COL9A1: variants seen among roughly 807,000 people sequenced by gnomAD.
COL9A1 encodes collagen type IX alpha 1 chain.
In COL9A1, 104 loss-of-function variants were observed where a neutral mutation model predicts 142.6. The observed-to-expected ratio is 0.73, with a 90% CI of 0.62 to 0.86. The LOEUF (loss-of-function observed/expected upper bound fraction) is 0.86, where lower values mean the gene tolerates loss of function less well. Among genes scored for constraint, COL9A1 ranks in the 40% least tolerant of loss-of-function variants. COL9A1 has a pLI of 0.00. For missense variants in COL9A1, 1,210 were observed against 1,176.6 expected (o/e 1.03, Z -0.42); for synonymous variants, 466 against 396.0 (o/e 1.18, Z -2.10).
At chr6:70,220,646 T>G (rs1371676840) in intron 37 of COL9A1, among the ~76,000 whole-genome samples, 1 of 152,180 alleles carries the variant, frequency 6.6e-6, no homozygotes, top group Non-Finnish European at 1.5e-5. Context: ...ATGTATGTTC[T>G]AAACTATGTG....
intron 14 of COL9A1, among the ~76,000 whole-genome samples, chr6:70,270,707 A>G (rs1432166281): frequency 6.6e-6 from 1 of 152,240 alleles, no homozygotes; most frequent in African/African-American, 2.4e-5. Context: ...GAGGACCTAG[A>G]GCAACCTATA....
chr6:70,271,962 T>C, intron 13 of COL9A1, 103 bp downstream of exon 13: 1 of 1,219,130 alleles, frequency 8.2e-7, no homozygotes. Context: ...TAGAACACTG[T>C]AAACACCACT....
chr6:70,256,380 A>G (rs1162367933), intron 21 of COL9A1, among the ~76,000 whole-genome samples: 3 of 152,184 alleles, frequency 2.0e-5, no homozygotes, highest in Non-Finnish European at 4.4e-5. Flanking sequence ...TAAAATAATG[A>G]CACATGGACA....
chr6:70,262,457 A>C (rs567633673), intron 19 of COL9A1, among the ~76,000 whole-genome samples: 14 of 152,324 alleles, frequency 9.2e-5, no homozygotes, highest in African/African-American at 2.9e-4. Context: ...AGTCCTGTGG[A>C]GAAGAGCAGA....
intron 30 of COL9A1, 105 bp from the exon 31 acceptor site, chr6:70,241,559 A>C (rs145896122): frequency 1.1e-4 from 103 of 929,360 alleles, no homozygotes; most frequent in Non-Finnish European, 1.3e-4. Flanking sequence ...GGATAATGTG[A>C]TGGGAGAGGA....
At chr6:70,281,503 G>T (rs202193470) in intron 7 of COL9A1, 39 bp from the exon 8 acceptor site, 2 of 1,549,358 alleles carry the variant, frequency 1.3e-6, no homozygotes, top group Non-Finnish European at 1.8e-6. Context: ...GGAGCACATC[G>T]GGCAACAGGG....
At chr6:70,249,280 T>C (rs184291543) in intron 28 of COL9A1, among the ~76,000 whole-genome samples, 13 of 152,184 alleles carry the variant, frequency 8.5e-5, no homozygotes, top group Admixed American at 7.2e-4. Context: ...CCAGGGACTT[T>C]GGAATTGTGT....
intron 30 of COL9A1, 139 bp from the exon 31 acceptor site, chr6:70,241,593 CA>C (rs1770264238): frequency 2.7e-6 from 2 of 747,902 alleles, no homozygotes; most frequent in Admixed American, 4.4e-5. Flanking sequence ...CACCACCCAA[CA>C]AGAATCAGGA....
intron 28 of COL9A1, chr6:70,246,156 T>C (rs779119668): frequency 1.3e-5 from 2 of 152,080 alleles, no homozygotes; most frequent in Non-Finnish European, 2.9e-5. Flanking sequence ...TCACCTGAGG[T>C]CAAGAGTTTG....
chr6:70,281,626 C>A (rs374225937), intron 7 of COL9A1, among the ~76,000 whole-genome samples, 162 bp from the exon 8 acceptor site: 1 of 152,216 alleles, frequency 6.6e-6, no homozygotes, highest in South Asian at 2.1e-4. Context: ...TCCAAGCAAG[C>A]GCAGCTTTGG....
At position 70,294,435 on chromosome 6, in the gene COL9A1, C is replaced by A; in HGVS notation, c.428G>T (p.Gly143Val). 6 of 1,614,094 alleles carry A rather than the reference C, an allele frequency of 3.7e-6. No individual in the cohort carries two copies. Among genetic ancestry groups the A allele is most frequent in the Non-Finnish European group, 5.1e-6 (6 of 1,179,976 alleles). The stretch of plus-strand genomic sequence containing the variant: ...TTGTGTTTGGCCATTAATCTTTATG[C>A]CAACTTGCTCCTTCCCAGAGGAATC... Reference protein sequence around the residue: ...IQDSSGKEQVGIKINGQTQSV... With the variant: ...IQDSSGKEQVVIKINGQTQSV... Residue 143 changes from glycine to valine, a missense_variant, in exon 5 of 38, where the codon GGC (glycine) becomes GTC (valine). Gly to Val is a moderately radical substitution (Grantham distance 109). Transcript: ENST00000357250.
chr6:70,301,921 A>T, intron 2 of COL9A1, 80 bp downstream of exon 2: 1 of 1,138,256 alleles, frequency 8.8e-7, no homozygotes, highest in Non-Finnish European at 1.3e-6. Context: ...TGCCTCACTC[A>T]GTCTTCAGTC....
intron 3 of COL9A1, 23 bp downstream of exon 3, chr6:70,300,286 C>A (rs1774013357): frequency 1.2e-6 from 2 of 1,609,580 alleles, no homozygotes; most frequent in Non-Finnish European, 1.7e-6. Context: ...CATGCATTTT[C>A]AATAGGGTAC....
At chr6:70,265,138 A>T (rs1771930275) in intron 18 of COL9A1, among the ~76,000 whole-genome samples, 1 of 152,160 alleles carries the variant, frequency 6.6e-6, no homozygotes, top group Admixed American at 6.5e-5. Context: ...GCCAAAAAAA[A>T]TTGTAGGTTT....
Position 70,280,894 on chromosome 6 carries a change from T to C in COL9A1, c.913-20A>G. 1 of 1,612,788 alleles carries C rather than the reference T, an allele frequency of 6.2e-7. No homozygotes were observed. Among genetic ancestry groups the C allele is most frequent in the South Asian group, 1.1e-5 (1 of 90,690 alleles). ...AGGACCCTGAGCAGGGGCAGAAGGG[T>C]GCGGGGGCAGGAGAGAAAAAGGTGC... On this transcript the variant is annotated intron_variant, in intron 9 of 37. Transcript: ENST00000357250.
chr6:70,258,559 A>T (rs1390579347), intron 20 of COL9A1: 1 of 152,228 alleles, frequency 6.6e-6, no homozygotes, highest in East Asian at 1.9e-4. Context: ...AGAGAAGAAG[A>T]GATTTTGAAG....
intron 5 of COL9A1, among the ~76,000 whole-genome samples, chr6:70,288,345 C>A (rs111427249): frequency 6.6e-6 from 1 of 152,174 alleles, no homozygotes; most frequent in African/African-American, 2.4e-5. Flanking sequence ...TGGTCTAAAC[C>A]AAGGCTGTCT....
intron 34 of COL9A1, 81 bp from the exon 35 acceptor site, chr6:70,234,674 G>A: frequency 6.2e-7 from 1 of 1,603,358 alleles, no homozygotes; most frequent in East Asian, 2.2e-5. Flanking sequence ...GACAGACTCT[G>A]CAAGGAGCCA....
At chr6:70,234,203 G>A (rs1475370777) in intron 35 of COL9A1, among the ~76,000 whole-genome samples, 1 of 150,954 alleles carries the variant, frequency 6.6e-6, no homozygotes, top group Non-Finnish European at 1.5e-5. Context: ...GGAGGGGAGA[G>A]ACAACTAAGA....
Sources: allele counts gnomAD v4.1 joint callset (sites outside exome capture counted in the v4.1 genomes callset), GRCh38; gene constraint gnomAD v4.1.1; transcripts MANE v1.5; gene names NCBI Gene and HGNC (gene_info 2026-07-23, HGNC 2026-07-21).